The following ZNF329 variants were observed in gnomAD, a reference collection of about 807,000 sequenced individuals.
The protein encoded by ZNF329 is zinc finger protein 329.
In ZNF329, 15 loss-of-function variants were observed where a neutral mutation model predicts 26.6. The observed-to-expected ratio is 0.56, with a 90% CI of 0.38 to 0.87. ZNF329 has a LOEUF of 0.87. Ranked by LOEUF, ZNF329 falls within the 40% of genes least tolerant of loss-of-function variation. ZNF329 has a pLI of 0.00. For missense variants in ZNF329, 651 were observed against 651.9 expected (o/e 1.00, Z 0.02); for synonymous variants, 239 against 233.5 (o/e 1.02, Z -0.21).
At chr19:58,149,396 C>T (rs1325349737) in intron 1 of ZNF329, among the ~76,000 whole-genome samples, 1 of 152,118 alleles carries the variant, frequency 6.6e-6, no homozygotes, top group Non-Finnish European at 1.5e-5. Context: ...GATATAAGAA[C>T]CCTCTGTTGG....
chr19:58,142,204 T>C (rs1600082577), intron 3 of ZNF329, among the ~76,000 whole-genome samples: 1 of 152,140 alleles, frequency 6.6e-6, no homozygotes, highest in African/African-American at 2.4e-5. Flanking sequence ...GAAAGTAGAT[T>C]AGAGATTACC....
At chr19:58,147,204 C>A (rs1287852181) in intron 1 of ZNF329, among the ~76,000 whole-genome samples, 69 of 151,272 alleles carry the variant, frequency 4.6e-4, no homozygotes, top group Admixed American at 1.1e-3. Context: ...CCGGCCGCGA[C>A]CCCGTCTGGG....
At chr19:58,145,728 A>T (rs2075293123) in intron 1 of ZNF329, among the ~76,000 whole-genome samples, 1 of 152,196 alleles carries the variant, frequency 6.6e-6, no homozygotes, top group South Asian at 2.1e-4. Context: ...TTAAAAGAAC[A>T]TTCAAAGTAC....
At position 58,128,764 on chromosome 19, in the gene ZNF329, A is replaced by G. The variant is rs772209341; in HGVS notation, c.740T>C (p.Ile247Thr). 3.1e-6 allele frequency: 5 copies of G among 1,603,132 alleles called. No homozygotes were observed. In the South Asian group the frequency reaches 4.5e-5, roughly 14 times the overall value. Residue 247 changes from isoleucine to threonine, a missense_variant, in exon 4 of 4, where the codon ATT becomes ACT. Coordinates refer to ENST00000598312, the MANE Select transcript of ZNF329 (RefSeq NM_024620.4). ...GKSFSKNYNL[I>T]VHQRIHTGEK... ...TCCTGTGTGGATTCTTTGATGCACA[A>G]TCAGGTTGTAGTTCTTGGAGAAGGA... is the stretch of plus-strand genomic sequence containing the variant.
Position 58,142,845 on chromosome 19 carries a change from C to G in ZNF329, c.-113-184G>C, listed in dbSNP as rs1295532710. Among the ~76,000 whole-genome samples the G allele has an allele frequency of 7.9e-4, 120 of 152,318 alleles. 1 individual carries two copies. The highest frequency in any genetic ancestry group is 1.0e-4 in the Non-Finnish European group (7 of 68,026). The stretch of plus-strand genomic sequence containing the variant: ...CAAGCCCCAACCCCTTTCTCCTTCT[C>G]CCTCTCATCTGGGCAAGCCAACAAG... On this transcript the variant is annotated intron_variant, in intron 2 of 3. Coordinates refer to ENST00000598312, the MANE Select transcript of ZNF329 (RefSeq NM_024620.4).
intron 3 of ZNF329, among the ~76,000 whole-genome samples, chr19:58,139,067 G>A (rs769176434): frequency 1.3e-5 from 2 of 152,018 alleles, no homozygotes; most frequent in African/African-American, 2.4e-5. Flanking sequence ...TATTCTCTTA[G>A]AAATAAAAAT....
chr19:58,145,826 C>T (rs1339709578), intron 1 of ZNF329, among the ~76,000 whole-genome samples: 1 of 151,816 alleles, frequency 6.6e-6, no homozygotes, highest in African/African-American at 2.4e-5. Context: ...AAAACCTGAT[C>T]ACCACCAGCC....
At chr19:58,131,051 C>T (rs1418977698) in intron 3 of ZNF329, among the ~76,000 whole-genome samples, 2 of 151,990 alleles carry the variant, frequency 1.3e-5, no homozygotes, top group Non-Finnish European at 2.9e-5. Context: ...ACCCTTGCCT[C>T]AGAATACATA....
At chr19:58,135,952 C>T (rs2075054627) in intron 3 of ZNF329, among the ~76,000 whole-genome samples, 1 of 152,108 alleles carries the variant, frequency 6.6e-6, no homozygotes, top group African/African-American at 2.4e-5. Flanking sequence ...CTAGAACAGG[C>T]CACGCACGGT....
chr19:58,153,058 A>G (rs1358190220), upstream of ZNF329, among the ~76,000 whole-genome samples: 2 of 152,140 alleles, frequency 1.3e-5, no homozygotes, highest in East Asian at 3.8e-4. Flanking sequence ...TTTTCCATTC[A>G]GTGGCAAAGA....
chr19:58,152,399 T>C (rs988828638), upstream of ZNF329, among the ~76,000 whole-genome samples: 1 of 148,558 alleles, frequency 6.7e-6, no homozygotes, highest in African/African-American at 2.5e-5. Context: ...CAGTGGCTCA[T>C]GCCTGCAATC....
In ZNF329 at chr19:58,129,144, A is replaced by G. The variant is rs2074877103; in HGVS notation, c.360T>C (p.Gly120=). Residue 120 remains glycine (G), a synonymous_variant, in exon 4 of 4, where the codon GGT becomes GGC. Coordinates refer to ENST00000598312, the MANE Select transcript of ZNF329 (RefSeq NM_024620.4). ...AGCCTTTTCCACAGGCATCACTGTC[A>G]CCAGTTCTCTTATCTGCATAACTTT... is the stretch of plus-strand genomic sequence containing the variant. ...YPKSYADKRT[G]DSDACGKGFN... is the part of the protein sequence containing the mutation. 6.2e-7 allele frequency: 1 copy of G among 1,614,114 alleles called. No homozygotes were observed. Among genetic ancestry groups the G allele is most frequent in the Non-Finnish European group, 8.5e-7 (1 of 1,180,028 alleles).
intron 3 of ZNF329, chr19:58,132,253 C>G (rs1219373767): frequency 6.6e-6 from 1 of 152,078 alleles, no homozygotes; most frequent in East Asian, 2.0e-4. Context: ...TTAGTGGCAG[C>G]TGTGAAAACA....
At chr19:58,151,082 C>T (rs2075444913), upstream of ZNF329, among the ~76,000 whole-genome samples, 1 of 152,322 alleles carries the variant, frequency 6.6e-6, no homozygotes, top group East Asian at 1.9e-4. Flanking sequence ...AATAAGTACA[C>T]TCATTATTCA....
chr19:58,153,412 A>G (rs2075491789), upstream of ZNF329, among the ~76,000 whole-genome samples: 2 of 152,082 alleles, frequency 1.3e-5, no homozygotes, highest in South Asian at 4.2e-4. Context: ...GCCTGGCCAC[A>G]AGTGTATATT....
chr19:58,128,758 T>A lies in ZNF329; in HGVS notation c.746A>T (p.His249Leu), dbSNP rs201395289. The A allele has an allele frequency of 6.2e-7, 1 of 1,604,294 alleles. No homozygotes were observed. The highest frequency in any genetic ancestry group is 2.2e-5 in the East Asian group (1 of 44,822). The part of the protein sequence containing the change: ...SFSKNYNLIV[H>L]QRIHTGEKPY... ...CTTCTCTCCTGTGTGGATTCTTTGA[T>A]GCACAATCAGGTTGTAGTTCTTGGA... The change falls in exon 4 of 4, where the codon CAT (histidine) becomes CTT (leucine). Residue 249 changes from histidine to leucine, a missense_variant. His to Leu is a moderately conservative substitution (Grantham distance 99, BLOSUM62 -3). Transcript: ENST00000598312.
At chr19:58,145,303 C>CT (rs1324021199) in intron 1 of ZNF329, among the ~76,000 whole-genome samples, 1 of 130,428 alleles carries the variant, frequency 7.7e-6, no homozygotes, top group Non-Finnish European at 1.6e-5. Flanking sequence ...AAAAAAATTT[C>CT]TTTTTTCTTC....
intron 3 of ZNF329, chr19:58,132,690 A>G (rs1271572365): frequency 6.6e-6 from 1 of 152,532 alleles, no homozygotes; most frequent in Non-Finnish European, 1.5e-5. Context: ...AAAAAAAAAA[A>G]AAAAAAAGAA....
upstream of ZNF329, among the ~76,000 whole-genome samples, chr19:58,151,436 A>G (rs1247021809): frequency 2.6e-5 from 4 of 151,992 alleles, no homozygotes; most frequent in African/African-American, 9.7e-5. Context: ...CCCCGTCTCC[A>G]CTAAAAATAC....
Sources: allele counts gnomAD v4.1 joint callset (sites outside exome capture counted in the v4.1 genomes callset), GRCh38; gene constraint gnomAD v4.1.1; transcripts MANE v1.5; gene names NCBI Gene and HGNC (gene_info 2026-07-23, HGNC 2026-07-21).